GPHN: variants seen among roughly 807,000 people sequenced by gnomAD.
The protein encoded by GPHN is gephyrin.
Under a neutral mutation model 95.5 loss-of-function variants are expected in GPHN, and 17 were observed. The ratio of observed to expected loss-of-function variants is 0.18; its 90% confidence interval spans 0.12 to 0.27. The LOEUF (loss-of-function observed/expected upper bound fraction) is 0.27, where lower values mean the gene tolerates loss of function less well. Among genes scored for constraint, GPHN ranks in the 10% least tolerant of loss-of-function variants. The pLI is 1.00. For synonymous variants in GPHN, 320 were observed against 322.5 expected (o/e 0.99, Z 0.08); for missense variants, 660 against 978.1 (o/e 0.67, Z 4.34).
At chr14:67,316,866 A>G in the GPHN span, 9 of 1,612,806 alleles carry the variant, frequency 5.6e-6, no homozygotes, top group Non-Finnish European at 7.6e-6. Flanking sequence ...AAGCCATGAA[A>G]CAAACCATAG....
chr14:67,169,583 T>A (rs1200585176), intron 21 of GPHN, among the ~76,000 whole-genome samples: 1 of 152,240 alleles, frequency 6.6e-6, no homozygotes, highest in Non-Finnish European at 1.5e-5. Flanking sequence ...AAATTAGGTC[T>A]CCTTCTCCAC....
the GPHN span, among the ~76,000 whole-genome samples, chr14:67,610,027 G>C: frequency 6.6e-6 from 1 of 152,174 alleles, no homozygotes; most frequent in Non-Finnish European, 1.5e-5. Flanking sequence ...GGAGAAGGCA[G>C]AATGGCTAGT....
At chr14:66,932,470 T>TTTG (rs2066876235) in intron 8 of GPHN, among the ~76,000 whole-genome samples, 1 of 137,502 alleles carries the variant, frequency 7.3e-6, no homozygotes, top group Non-Finnish European at 1.6e-5. Flanking sequence ...TTTTTTTTTT[T>TTTG]TTTTTTTTTT....
intron 2 of GPHN, among the ~76,000 whole-genome samples, chr14:66,697,700 T>G (rs1286458214): frequency 7.1e-6 from 1 of 141,518 alleles, no homozygotes; most frequent in Non-Finnish European, 1.5e-5. Context: ...CTTTTCTTTT[T>G]TTTTTGAGAT....
the GPHN span, among the ~76,000 whole-genome samples, chr14:67,321,844 A>C: frequency 1.8e-4 from 27 of 152,222 alleles, no homozygotes; most frequent in Non-Finnish European, 5.9e-5. Context: ...CTTAAAATAC[A>C]GTAAATATAG....
intron 5 of GPHN, among the ~76,000 whole-genome samples, chr14:66,907,131 G>C (rs1248422656): frequency 3.9e-5 from 6 of 152,130 alleles, no homozygotes. Context: ...ACATGCAAAT[G>C]TTTTTAACAG....
At chr14:67,273,156 G>A in the GPHN span, among the ~76,000 whole-genome samples, 1 of 148,786 alleles carries the variant, frequency 6.7e-6, no homozygotes, top group Admixed American at 6.7e-5. Context: ...TAGGGTACAT[G>A]TGCACAACGT....
chr14:67,708,098 C>T, the GPHN span, among the ~76,000 whole-genome samples: 1 of 152,136 alleles, frequency 6.6e-6, no homozygotes, highest in Non-Finnish European at 1.5e-5. Flanking sequence ...AAATAATTTC[C>T]AAATTCTGGA....
the GPHN span, chr14:67,574,483 G>T: frequency 8.3e-7 from 1 of 1,205,770 alleles, no homozygotes; most frequent in Non-Finnish European, 1.1e-6. This position sits in a 1 kb window ranked among gnomAD's most constrained non-coding sequence, Gnocchi z 4.2. Context: ...CGAGGGTGGT[G>T]GGTTCCCCCT....
chr14:67,445,720 T>C, the GPHN span, among the ~76,000 whole-genome samples: 1 of 151,318 alleles, frequency 6.6e-6, no homozygotes, highest in African/African-American at 2.4e-5. Flanking sequence ...AAGTAGCTGG[T>C]ACTACAGATG....
chr14:67,056,668 A>G lies in GPHN; in HGVS notation c.1007-1981A>G, dbSNP rs1322315386. Among the ~76,000 whole-genome samples the G allele has an allele frequency of 3.9e-5, 6 of 152,272 alleles. No individual in the cohort carries two copies. The South Asian group carries it at 1.2e-3, about 32-fold the overall frequency. ...CTCAGGAGCCCAGCTGGCTTCACCTAGTGGATCACACGCCAGGGCCGTGGG... is the reference window on the plus strand; with the variant it reads ...CTCAGGAGCCCAGCTGGCTTCACCTGGTGGATCACACGCCAGGGCCGTGGG... On this transcript the variant is annotated intron_variant, in intron 10 of 22. Transcript: ENST00000478722.
chr14:67,254,173 A>C, the GPHN span: 3 of 143,676 alleles, frequency 2.1e-5, no homozygotes, highest in Non-Finnish European at 3.0e-5. Flanking sequence ...CTAGATTTTA[A>C]GTGTCTTTCT....
intron 1 of GPHN, among the ~76,000 whole-genome samples, chr14:66,657,175 C>T (rs1159324134): frequency 3.9e-5 from 6 of 152,208 alleles, no homozygotes; most frequent in Non-Finnish European, 2.9e-5. Flanking sequence ...GGACTAGCCA[C>T]AAAATTTTCT....
the GPHN span, among the ~76,000 whole-genome samples, chr14:67,277,236 G>GA: frequency 1.5e-3 from 231 of 152,302 alleles, 1 homozygote; most frequent in African/African-American, 5.3e-3. Flanking sequence ...TAAATAAGGT[G>GA]CTTACGTGTA....
chr14:66,529,380 G>A (rs980421866), intron 1 of GPHN, among the ~76,000 whole-genome samples: 1 of 151,926 alleles, frequency 6.6e-6, no homozygotes, highest in Non-Finnish European at 1.5e-5. Context: ...TTATTTCAAG[G>A]TTCTTAGCTT....
At chr14:66,918,849 C>T (rs2153559499) in intron 6 of GPHN, among the ~76,000 whole-genome samples, 1 of 152,178 alleles carries the variant, frequency 6.6e-6, no homozygotes, top group Admixed American at 6.5e-5. Context: ...ACTGATTGAG[C>T]CATACAAAGA....
chr14:67,292,512 A>G, the GPHN span: 16 of 1,600,438 alleles, frequency 1.0e-5, no homozygotes, highest in Admixed American at 2.7e-4. Context: ...TTCTACTAGA[A>G]ATAGAAGACT....
chr14:67,186,493 G>A (rs1303129812), downstream of GPHN, among the ~76,000 whole-genome samples: 2 of 152,218 alleles, frequency 1.3e-5, no homozygotes, highest in Admixed American at 1.3e-4. Context: ...ACTAGAGGAA[G>A]CAACTACCAC....
chr14:66,999,483 T>C (rs1473004282), intron 9 of GPHN, among the ~76,000 whole-genome samples: 1 of 151,942 alleles, frequency 6.6e-6, no homozygotes, highest in Non-Finnish European at 1.5e-5. Context: ...TTGTTATTTT[T>C]CTCTTATTTA....
Sources: gnomAD v4.1 joint callset for allele counts (sites outside exome capture counted in the v4.1 genomes callset) on GRCh38, gnomAD v4.1.1 for gene constraint, Gnocchi (gnomAD v3.1) non-coding constraint, MANE v1.5 for transcripts, NCBI Gene and HGNC (gene_info 2026-07-23, HGNC 2026-07-21) for gene names.